The following SORCS3 variants were observed in gnomAD, a reference collection of about 807,000 sequenced individuals.
The protein encoded by SORCS3 is sortilin related VPS10 domain containing receptor 3, also known as VPS10 domain-containing receptor SorCS3.
In SORCS3, 57 loss-of-function variants were observed where a neutral mutation model predicts 146.3. The ratio of observed to expected loss-of-function variants is 0.39; its 90% CI spans 0.31 to 0.49. The LOEUF (loss-of-function observed/expected upper bound fraction) is 0.49. SORCS3 is among the 20% of genes least tolerant of loss of function. SORCS3 has a pLI of 0.92. For synonymous variants in SORCS3, 653 were observed against 618.5 expected, an observed-to-expected ratio of 1.06 and a Z score of -0.83; for missense variants, 1,341 against 1,575.5, an observed-to-expected ratio of 0.85 and a Z score of 2.52.
At chr10:104,675,261 A>G (rs2015900322) in intron 1 of SORCS3, among the ~76,000 whole-genome samples, 1 of 152,170 alleles carries the variant, frequency 6.6e-6, no homozygotes, top group Non-Finnish European at 1.5e-5. Flanking sequence ...TCTTTAGTAA[A>G]ATGCCTGTTC....
chr10:105,216,246 A>G (rs1172439097), intron 18 of SORCS3, among the ~76,000 whole-genome samples: 1 of 152,194 alleles, frequency 6.6e-6, no homozygotes, highest in Non-Finnish European at 1.5e-5. Context: ...TGCAGTATTC[A>G]TCTGTAGAAT....
At chr10:105,127,474 T>G (rs10786845) in intron 7 of SORCS3, among the ~76,000 whole-genome samples, 73,276 of 151,584 alleles carry the variant, frequency 0.48, 18,215 homozygotes, top group Non-Finnish European at 0.54. Context: ...CAAGCAGCCT[T>G]CCTAGGCCTC....
chr10:104,710,375 G>C (rs184086296), intron 1 of SORCS3, among the ~76,000 whole-genome samples: 3 of 152,262 alleles, frequency 2.0e-5, no homozygotes, highest in Non-Finnish European at 2.9e-5. Flanking sequence ...ATATTTCTTA[G>C]GTGTCTACTA....
chr10:105,123,832 G>A (rs1023637930), intron 7 of SORCS3, among the ~76,000 whole-genome samples: 2 of 152,124 alleles, frequency 1.3e-5, no homozygotes, highest in Admixed American at 6.5e-5. Context: ...AAAGCAAGGG[G>A]CCTCATTTTG....
chr10:104,965,511 G>A (rs2054821513), intron 3 of SORCS3, among the ~76,000 whole-genome samples: 1 of 152,160 alleles, frequency 6.6e-6, no homozygotes, highest in Non-Finnish European at 1.5e-5. Context: ...TTCTGTAGTG[G>A]CTGCACCATT....
chr10:104,904,694 G>C (rs2018885753), intron 2 of SORCS3, among the ~76,000 whole-genome samples: 3 of 151,488 alleles, frequency 2.0e-5, no homozygotes, highest in South Asian at 2.1e-4. Context: ...TATAAATAAT[G>C]ACCCCAAATT....
chr10:104,850,372 C>T (rs1029038365), intron 2 of SORCS3, among the ~76,000 whole-genome samples: 4 of 152,192 alleles, frequency 2.6e-5, no homozygotes, highest in African/African-American at 9.6e-5. Context: ...GGCTTGAGCT[C>T]ATGAGTTCGA....
chr10:104,809,790 C>T (rs1010390791), intron 1 of SORCS3, among the ~76,000 whole-genome samples: 1 of 152,202 alleles, frequency 6.6e-6, no homozygotes, highest in Non-Finnish European at 1.5e-5. Context: ...AGCTACTCTA[C>T]TAGTTGCTTG....
chr10:105,091,183 T>TC (rs1249374130), intron 6 of SORCS3, among the ~76,000 whole-genome samples: 2 of 119,594 alleles, frequency 1.7e-5, no homozygotes, highest in African/African-American at 3.1e-5. Flanking sequence ...CCTCCTTCCT[T>TC]CATCCCTCCT....
chr10:104,962,436 G>A (rs2054801382), intron 3 of SORCS3, among the ~76,000 whole-genome samples: 1 of 152,086 alleles, frequency 6.6e-6, no homozygotes, highest in Non-Finnish European at 1.5e-5. Flanking sequence ...AGCTGGGCTG[G>A]GGGAAATCCA....
chr10:105,067,899 G>A (rs2055532397), intron 5 of SORCS3, among the ~76,000 whole-genome samples: 1 of 151,866 alleles, frequency 6.6e-6, no homozygotes. Flanking sequence ...TTGGGTTGGA[G>A]ATCTTATACA....
chr10:105,132,647 C>T (rs1033803492), intron 7 of SORCS3, among the ~76,000 whole-genome samples: 7 of 152,086 alleles, frequency 4.6e-5, no homozygotes, highest in South Asian at 2.1e-4. Context: ...ACAGCAAGAG[C>T]GGGAACAAGT....
intron 2 of SORCS3, among the ~76,000 whole-genome samples, chr10:104,895,259 C>A (rs1186665580): frequency 6.6e-6 from 1 of 152,182 alleles, no homozygotes; most frequent in African/African-American, 2.4e-5. Flanking sequence ...AATCTTCAAC[C>A]CCAAATATTT....
chr10:105,004,266 GA>G (rs1448781667), intron 4 of SORCS3, among the ~76,000 whole-genome samples: 9 of 152,308 alleles, frequency 5.9e-5, no homozygotes, highest in African/African-American at 1.9e-4. Context: ...CCTGGGAGCA[GA>G]AGGTTGACCT....
intron 1 of SORCS3, among the ~76,000 whole-genome samples, chr10:104,814,007 CAG>C (rs927045264): frequency 8.6e-5 from 13 of 150,556 alleles, no homozygotes; most frequent in African/African-American, 3.2e-4. Context: ...CCCCCTATTC[CAG>C]AGTCACTTTG....
intron 2 of SORCS3, among the ~76,000 whole-genome samples, chr10:104,872,017 C>T (rs931691156): frequency 1.3e-5 from 2 of 152,128 alleles, no homozygotes; most frequent in African/African-American, 4.8e-5. Flanking sequence ...CACACTGACC[C>T]ATTGATTCAC....
chr10:104,721,166 A>T (rs1336306916), intron 1 of SORCS3, among the ~76,000 whole-genome samples: 1 of 152,186 alleles, frequency 6.6e-6, no homozygotes, highest in Non-Finnish European at 1.5e-5. Context: ...AGGTGTAAGG[A>T]AGGGATCCAG....
chr10:104,726,865 C>G lies in SORCS3; in HGVS notation c.627+84911C>G, dbSNP rs143660580. On this transcript the variant is annotated intron_variant, in intron 1 of 26. Coordinates refer to ENST00000369701, the MANE Select transcript of SORCS3 (RefSeq NM_014978.3). ...ACCAGCAGTCCCAGTTGACCTGGGA[C>G]TAGGGCTACTTGGGATGCAAGACTT... 4.5e-3 allele frequency among the ~76,000 whole-genome samples: 690 copies of G among 152,246 alleles called. 5 individuals carry two copies. The highest frequency in any genetic ancestry group is 0.013 in the South Asian group (63 of 4,812).
At chr10:105,056,541 A>G (rs1173381466) in intron 5 of SORCS3, among the ~76,000 whole-genome samples, 1 of 152,220 alleles carries the variant, frequency 6.6e-6, no homozygotes, top group African/African-American at 2.4e-5. Context: ...TCTTTTGTGC[A>G]AGAGAATGGC....
Sources: allele counts gnomAD v4.1 joint callset (sites outside exome capture counted in the v4.1 genomes callset), GRCh38; gene constraint gnomAD v4.1.1; transcripts MANE v1.5; gene names NCBI Gene and HGNC (gene_info 2026-07-23, HGNC 2026-07-21).